The following SNX4 variants were observed in gnomAD, a reference collection of about 807,000 sequenced individuals.
SNX4 encodes sorting nexin 4.
In SNX4, 49 loss-of-function variants were observed where a neutral mutation model predicts 70.8. That is an observed-to-expected ratio of 0.69 (90% confidence interval 0.55 to 0.88). The LOEUF is 0.88. Among genes scored for constraint, SNX4 ranks in the 40% least tolerant of loss-of-function variants. The pLI, the probability that SNX4 is intolerant of heterozygous loss-of-function variation, is 0.00. For synonymous variants in SNX4, 206 were observed against 183.8 expected (o/e 1.12, Z -0.98); for missense variants, 528 against 544.8 (o/e 0.97, Z 0.31).
chr3:125,497,899 G>C lies in SNX4; in HGVS notation c.484C>G (p.Leu162Val). 6.2e-7 allele frequency: 1 copy of C among 1,614,132 alleles called. No individual in the cohort carries two copies. Among genetic ancestry groups the C allele is most frequent in the Non-Finnish European group, 8.5e-7 (1 of 1,179,996 alleles). Residue 162 changes from leucine (L) to valine (V), a missense_variant, in exon 4 of 14, where the codon CTC becomes GTC. Physicochemically the swap from Leu to Val is conservative, Grantham distance 32. Coordinates refer to ENST00000251775, the MANE Select transcript of SNX4 (RefSeq NM_003794.4). ...ATGGGATGTGAAGCAATCCTCAAGA[G>C]AAAGTTTTCTAAACCAATCCGTCGC... Reference protein sequence around the residue: ...ERRRIGLENFLLRIASHPILC... With the variant: ...ERRRIGLENFVLRIASHPILC...
intron 1 of SNX4, among the ~76,000 whole-genome samples, chr3:125,512,010 T>A (rs1935183894): frequency 6.6e-6 from 1 of 152,090 alleles, no homozygotes; most frequent in Non-Finnish European, 1.5e-5. Context: ...ACCCAGTGGG[T>A]TGAAATCAGC....
At chr3:125,493,342 T>C (rs1007576441) in intron 5 of SNX4, among the ~76,000 whole-genome samples, 7 of 152,088 alleles carry the variant, frequency 4.6e-5, no homozygotes, top group Non-Finnish European at 8.8e-5. Flanking sequence ...TTATGTTAAA[T>C]AGAACACAGA....
At chr3:125,504,589 G>A in intron 2 of SNX4, 34 bp downstream of exon 2, 1 of 1,591,836 alleles carries the variant, frequency 6.3e-7, no homozygotes, top group Admixed American at 1.8e-5. Context: ...AAAGCTTTCT[G>A]TCTACCTGCC....
intron 12 of SNX4, among the ~76,000 whole-genome samples, chr3:125,453,325 G>A (rs936042223): frequency 6.6e-6 from 1 of 152,144 alleles, no homozygotes; most frequent in East Asian, 1.9e-4. Flanking sequence ...CTTCAGCTGG[G>A]TACTGAAGGA....
At chr3:125,457,572 CTTTTT>C (rs1005344428) in intron 10 of SNX4, among the ~76,000 whole-genome samples, 3 of 110,434 alleles carry the variant, frequency 2.7e-5, no homozygotes, top group Admixed American at 9.8e-5. Context: ...TTCATATATT[CTTTTT>C]TTTTTTTTTT....
At chr3:125,476,470 C>A (rs1005215563) in intron 8 of SNX4, among the ~76,000 whole-genome samples, 1 of 151,972 alleles carries the variant, frequency 6.6e-6, no homozygotes, top group Non-Finnish European at 1.5e-5. Flanking sequence ...ACTGGGGAGG[C>A]TGAGGCAGGA....
chr3:125,499,779 A>C (rs1328784353), intron 2 of SNX4, among the ~76,000 whole-genome samples: 2 of 151,362 alleles, frequency 1.3e-5, no homozygotes, highest in Admixed American at 6.6e-5. Context: ...AAAAAAAAAA[A>C]AAAACGCGGT....
intron 9 of SNX4, among the ~76,000 whole-genome samples, chr3:125,466,449 A>G (rs1934022109): frequency 6.6e-6 from 1 of 152,210 alleles, no homozygotes; most frequent in Non-Finnish European, 1.5e-5. Flanking sequence ...ACAAAAAATG[A>G]CAGTTGGGAC....
At chr3:125,515,607 G>A (rs373718564) in intron 1 of SNX4, among the ~76,000 whole-genome samples, 2 of 149,520 alleles carry the variant, frequency 1.3e-5, no homozygotes, top group African/African-American at 2.5e-5. Flanking sequence ...CAAGGCTGCA[G>A]TGAGCCATGA....
intron 1 of SNX4, among the ~76,000 whole-genome samples, chr3:125,505,408 G>C (rs1343376895): frequency 6.6e-6 from 1 of 152,200 alleles, no homozygotes; most frequent in Non-Finnish European, 1.5e-5. Context: ...GACTCTGTCT[G>C]ATGTAAGTAT....
At chr3:125,470,578 G>C (rs887288979) in intron 8 of SNX4, among the ~76,000 whole-genome samples, 1 of 150,578 alleles carries the variant, frequency 6.6e-6, no homozygotes, top group African/African-American at 2.4e-5. Flanking sequence ...CTTGGATCTA[G>C]AACTCGAACT....
In SNX4 at chr3:125,447,761, G is replaced by A. The variant is rs1004174595; in HGVS notation, c.*18C>T. 5 of 1,575,896 alleles carry A rather than the reference G, an allele frequency of 3.2e-6. No homozygotes were observed. Among genetic ancestry groups the A allele is most frequent in the Non-Finnish European group, 4.3e-6 (5 of 1,159,130 alleles). On this transcript the variant is annotated 3_prime_UTR_variant, in exon 14 of 14. Coordinates refer to ENST00000251775, the MANE Select transcript of SNX4 (RefSeq NM_003794.4). ...TGTTTTGGGGCACTTTGATTGAAGA[G>A]AAATTCAATTCACAGGATTACATCT...
intron 1 of SNX4, among the ~76,000 whole-genome samples, chr3:125,519,740 C>T (rs1211506952): frequency 4.6e-5 from 7 of 152,130 alleles, no homozygotes; most frequent in African/African-American, 1.7e-4. Context: ...CAGACCCCCA[C>T]GCCTGCGGGG....
chr3:125,447,795 C>T lies in SNX4; in HGVS notation c.1337G>A (p.Cys446Tyr), dbSNP rs778595303. ...TTCACAGGATTACATCTTGCTAAAGCATTCCTTAGCATTGGTCCAAACTTG... is the reference window on the plus strand; with the variant it reads ...TTCACAGGATTACATCTTGCTAAAGTATTCCTTAGCATTGGTCCAAACTTG... Reference protein sequence around the residue: ...GIQVWTNAKECFSKM With the variant: ...GIQVWTNAKEYFSKM The change falls in exon 14 of 14, where the codon TGC (cysteine) becomes TAC (tyrosine). Residue 446 changes from cysteine (C) to tyrosine (Y), a missense_variant. Transcript: ENST00000251775. 39 of 1,593,198 alleles carry T rather than the reference C, an allele frequency of 2.4e-5. No homozygotes were observed. The South Asian group carries it at 4.2e-4, about 17-fold the overall frequency.
At chr3:125,463,986 T>C (rs1439946388) in intron 9 of SNX4, among the ~76,000 whole-genome samples, 3 of 152,100 alleles carry the variant, frequency 2.0e-5, no homozygotes, top group Non-Finnish European at 4.4e-5. Context: ...TGACGGTGGA[T>C]TACTTGAGCC....
At chr3:125,502,064 C>T (rs1313926875) in intron 2 of SNX4, among the ~76,000 whole-genome samples, 1 of 152,186 alleles carries the variant, frequency 6.6e-6, no homozygotes, top group Non-Finnish European at 1.5e-5. Flanking sequence ...GGTGAAAAAA[C>T]AGGCATATAC....
At chr3:125,506,109 A>T (rs1935036919) in intron 1 of SNX4, among the ~76,000 whole-genome samples, 1 of 152,100 alleles carries the variant, frequency 6.6e-6, no homozygotes, top group South Asian at 2.1e-4. Flanking sequence ...AAAATAAATA[A>T]ATAAATAACA....
At chr3:125,480,848 C>T (rs1934394753) in intron 6 of SNX4, among the ~76,000 whole-genome samples, 2 of 152,176 alleles carry the variant, frequency 1.3e-5, no homozygotes, top group African/African-American at 4.8e-5. Context: ...TCAACTTACA[C>T]ACTTCCCCAT....
At chr3:125,516,996 T>C (rs1471601932) in intron 1 of SNX4, 1 of 82,218 alleles carries the variant, frequency 1.2e-5, no homozygotes, top group Non-Finnish European at 2.6e-5. Context: ...CTGAAGATAG[T>C]AAGTTATCTC....
Sources: allele counts gnomAD v4.1 joint callset (sites outside exome capture counted in the v4.1 genomes callset), GRCh38; gene constraint gnomAD v4.1.1; transcripts MANE v1.5; gene names NCBI Gene and HGNC (gene_info 2026-07-23, HGNC 2026-07-21).